TNR: variants seen among roughly 807,000 people sequenced by gnomAD.
The protein encoded by TNR is tenascin-R.
In TNR, 45 loss-of-function variants were observed where a neutral mutation model predicts 150.4. That is an observed-to-expected ratio of 0.30 (90% CI 0.24 to 0.38). The LOEUF is 0.38. Among genes scored for constraint, TNR ranks in the 10% least tolerant of loss-of-function variants. The pLI, the probability that TNR is intolerant of heterozygous loss-of-function variation, is 1.00. For synonymous variants in TNR, 687 were observed against 678.4 expected, an observed-to-expected ratio of 1.01 and a Z score of -0.20; for missense variants, 1,544 against 1,759.1, an observed-to-expected ratio of 0.88 and a Z score of 2.19.
intron 2 of TNR, among the ~76,000 whole-genome samples, chr1:175,509,686 T>C (rs372639380): frequency 6.6e-5 from 10 of 152,332 alleles, no homozygotes; most frequent in South Asian, 6.2e-4. Flanking sequence ...CTTGGCCTAA[T>C]AGTAAACCTA....
At chr1:175,356,234 G>A in intron 16 of TNR, 85 bp downstream of exon 16, 4 of 1,553,100 alleles carry the variant, frequency 2.6e-6, no homozygotes, top group South Asian at 2.4e-5. Context: ...AAGCCTGTAA[G>A]TGATAATCTA....
At chr1:175,612,124 C>T (rs1022719274) in intron 1 of TNR, among the ~76,000 whole-genome samples, 16 of 152,118 alleles carry the variant, frequency 1.1e-4, no homozygotes, top group African/African-American at 3.6e-4. Flanking sequence ...GGAGAAGCAG[C>T]CCACAGGTTG....
chr1:175,675,380 C>T (rs552725666), intron 1 of TNR, among the ~76,000 whole-genome samples: 8 of 152,244 alleles, frequency 5.3e-5, no homozygotes, highest in Non-Finnish European at 1.2e-4. Flanking sequence ...TGGAACCCCA[C>T]TGTCATGGCA....
intron 1 of TNR, among the ~76,000 whole-genome samples, chr1:175,716,858 C>T (rs1216533232): frequency 6.6e-6 from 1 of 152,192 alleles, no homozygotes; most frequent in Non-Finnish European, 1.5e-5. Context: ...CCACATCGTC[C>T]TTTGTCATTT....
At chr1:175,647,073 A>G (rs1341497730) in intron 1 of TNR, among the ~76,000 whole-genome samples, 1 of 152,248 alleles carries the variant, frequency 6.6e-6, no homozygotes, top group Non-Finnish European at 1.5e-5. Flanking sequence ...AGAGCACCAC[A>G]GACAAGCTTC....
chr1:175,345,630 C>G (rs1010908742), intron 18 of TNR, among the ~76,000 whole-genome samples: 1 of 151,864 alleles, frequency 6.6e-6, no homozygotes, highest in Non-Finnish European at 1.5e-5. Context: ...TTAAAGAACT[C>G]TTTGAGAACA....
chr1:175,331,003 T>TTCTC (rs1431427522), intron 20 of TNR, among the ~76,000 whole-genome samples: 2 of 26,624 alleles, frequency 7.5e-5, no homozygotes, highest in Non-Finnish European at 1.4e-4. Context: ...TGGTGATTCT[T>TTCTC]TCTTTCTTTC....
rs750654352 is a variant in TNR, at chr1:175,330,111, C to T, written c.3756G>A (p.Leu1252=). ...TGTAGCTTCCTATGCGGAGTTTGTA[C>T]AGGTTTCTGCTGTCCTCGACAGAGA... ...DRFSVEDSRN[L]YKLRIGSYNG... is the part of the protein sequence containing the mutation. The change falls in exon 21 of 23, where the codon CTG becomes CTA. Residue 1252 remains leucine (L), a synonymous_variant. Transcript: ENST00000367674. The T allele has an allele frequency of 1.7e-5, 28 of 1,609,008 alleles. No individual in the cohort carries two copies. The highest frequency in any genetic ancestry group is 2.2e-5 in the Non-Finnish European group (26 of 1,176,340).
At chr1:175,430,122 TG>T (rs1655196682) in intron 2 of TNR, among the ~76,000 whole-genome samples, 1 of 151,686 alleles carries the variant, frequency 6.6e-6, no homozygotes, top group Non-Finnish European at 1.5e-5. Flanking sequence ...CATTTAGTGG[TG>T]AAAAATGTGG....
At chr1:175,551,143 T>C (rs532579564) in intron 1 of TNR, among the ~76,000 whole-genome samples, 1 of 152,152 alleles carries the variant, frequency 6.6e-6, no homozygotes, top group South Asian at 2.1e-4. Flanking sequence ...ATTAGAAACT[T>C]CCAGAGAAAA....
chr1:175,368,160 A>G (rs1651926081), intron 9 of TNR, among the ~76,000 whole-genome samples: 1 of 152,176 alleles, frequency 6.6e-6, no homozygotes, highest in Admixed American at 6.5e-5. Flanking sequence ...GTAACACATC[A>G]CCACAATTTA....
At chr1:175,658,719 T>A (rs1665270935) in intron 1 of TNR, among the ~76,000 whole-genome samples, 1 of 152,214 alleles carries the variant, frequency 6.6e-6, no homozygotes, top group Non-Finnish European at 1.5e-5. Context: ...AATAAACACA[T>A]GTCCATTGGT....
rs150609192 is a variant in TNR at position 175,316,232 on chromosome 1, C to T, written c.*7125G>A. Reference sequence around the variant, plus strand: ...GTAGCAGAGAAAGCTGATATTGTAGCCAACTGTCTTCTGATGCCTTCCCAC... The same window carrying T: ...GTAGCAGAGAAAGCTGATATTGTAGTCAACTGTCTTCTGATGCCTTCCCAC... On this transcript the variant is annotated 3_prime_UTR_variant, in exon 23 of 23. Coordinates refer to ENST00000367674, the MANE Select transcript of TNR (RefSeq NM_003285.3). The T allele has an allele frequency of 2.6e-5, 4 of 152,332 alleles. 1 individual carries two copies. The highest frequency in any genetic ancestry group is 5.9e-5 in the Non-Finnish European group (4 of 68,036). The allele number at this position is 152,332 out of a possible 1,614,324, so 9.4% of individuals were successfully genotyped here.
chr1:175,686,438 A>T (rs4652107), intron 1 of TNR, among the ~76,000 whole-genome samples: 39,879 of 151,828 alleles, frequency 0.26, 6,192 homozygotes, highest in East Asian at 0.66. Context: ...GTTCCTGGCC[A>T]GTCTTAGTTT....
At chr1:175,354,057 G>T (rs1305449585) in intron 18 of TNR, among the ~76,000 whole-genome samples, 2 of 152,062 alleles carry the variant, frequency 1.3e-5, no homozygotes, top group African/African-American at 4.8e-5. Flanking sequence ...TGTTGGACAG[G>T]CTGGTCTCAA....
At position 175,363,841 on chromosome 1, in the gene TNR, G is replaced by A. The variant is rs1348344513; in HGVS notation, c.2588-14C>T. 6.3e-7 allele frequency: 1 copy of A among 1,599,884 alleles called. No individual in the cohort carries two copies. The highest frequency in any genetic ancestry group is 1.1e-5 in the South Asian group (1 of 88,932). ...GGGGATCAATTCCTACAAGGACCCA[G>A]TGATTGTGGGAAAAAGACAGAAAGC... On this transcript the variant is annotated splice_polypyrimidine_tract_variant and intron_variant, in intron 12 of 22. Coordinates refer to ENST00000367674, the MANE Select transcript of TNR (RefSeq NM_003285.3).
At chr1:175,438,192 G>T (rs1655607431) in intron 2 of TNR, among the ~76,000 whole-genome samples, 2 of 152,152 alleles carry the variant, frequency 1.3e-5, no homozygotes, top group Admixed American at 1.3e-4. Flanking sequence ...AATCAAGTGG[G>T]CTTCATCCCT....
At position 175,662,885 on chromosome 1, in the gene TNR, A is replaced by G. The variant is rs542876104; in HGVS notation, c.-165+80341T>C. On this transcript the variant is annotated intron_variant, in intron 1 of 22. Transcript: ENST00000367674. ...AGTGAACACTTATAGTGCCTCAAGT[A>G]TAATGATGAAGATTTCAGATTTGGT... 7.2e-5 allele frequency among the ~76,000 whole-genome samples: 11 copies of G among 152,324 alleles called. No individual in the cohort carries two copies. In the South Asian group the frequency reaches 2.3e-3, roughly 32 times the overall value.
intron 1 of TNR, among the ~76,000 whole-genome samples, chr1:175,709,337 A>G (rs1020725171): frequency 2.8e-4 from 42 of 151,818 alleles, no homozygotes; most frequent in Non-Finnish European, 4.4e-4. Context: ...ACACACACAC[A>G]CACACGCACT....
Sources: allele counts gnomAD v4.1 joint callset (sites outside exome capture counted in the v4.1 genomes callset), GRCh38; gene constraint gnomAD v4.1.1; transcripts MANE v1.5; gene names NCBI Gene and HGNC (gene_info 2026-07-23, HGNC 2026-07-21).